GRIP1: variants seen among roughly 807,000 people sequenced by gnomAD.
GRIP1 encodes the protein glutamate receptor-interacting protein 1.
Under a neutral mutation model 129.9 loss-of-function variants are expected in GRIP1, and 45 were observed. The observed-to-expected ratio is 0.35, with a 90% CI of 0.27 to 0.44. The LOEUF (loss-of-function observed/expected upper bound fraction) is 0.44, where lower values mean the gene tolerates loss of function less well. GRIP1 is among the 20% of genes least tolerant of loss of function. The probability of loss-of-function intolerance (pLI) is 1.00; values close to 1 mark genes in which losing one functional copy is unlikely to be tolerated. For synonymous variants in GRIP1, 530 were observed against 520.8 expected (o/e 1.02, Z -0.24); for missense variants, 1,196 against 1,396.8 (o/e 0.86, Z 2.29).
chr12:66,667,109 T>G (rs2033839565), intron 1 of GRIP1, among the ~76,000 whole-genome samples: 1 of 152,174 alleles, frequency 6.6e-6, no homozygotes, highest in Non-Finnish European at 1.5e-5. Flanking sequence ...ACCAATCATT[T>G]CCATTATAAT....
At position 67,048,930 on chromosome 12, in the gene GRIP1, G is replaced by A. The variant is rs773430801; in HGVS notation, c.58+20120C>T. Among the ~76,000 whole-genome samples the A allele has an allele frequency of 7.1e-4, 108 of 152,116 alleles. 1 individual carries two copies. Among genetic ancestry groups the A allele is most frequent in the Non-Finnish European group, 1.2e-3 (84 of 67,974 alleles). ...AACCCTTTTTTCTTCTTAGTCTTAG[G>A]TATGTCTTTATCAGCAGCATGAAAT... is the stretch of plus-strand genomic sequence containing the variant. On this transcript the variant is annotated intron_variant, in intron 1 of 1. Transcript: ENST00000643019.
chr12:66,595,489 T>G (rs2064014054), intron 2 of GRIP1, among the ~76,000 whole-genome samples: 1 of 152,334 alleles, frequency 6.6e-6, no homozygotes, highest in Non-Finnish European at 1.5e-5. Flanking sequence ...AGTGGAATAC[T>G]CAGTACCAGT....
intron 7 of GRIP1, among the ~76,000 whole-genome samples, chr12:66,483,754 A>AT (rs1402674768): frequency 1.3e-5 from 2 of 152,224 alleles, no homozygotes; most frequent in Non-Finnish European, 2.9e-5. Flanking sequence ...TAAACTGAAT[A>AT]TATCTGTGTA....
intron 13 of GRIP1, among the ~76,000 whole-genome samples, chr12:66,441,127 T>A (rs1423122372): frequency 6.6e-6 from 1 of 152,230 alleles, no homozygotes; most frequent in Non-Finnish European, 1.5e-5. Flanking sequence ...GATCAATTCA[T>A]ACTATGGCAA....
chr12:66,400,994 C>T (rs1053950001), intron 16 of GRIP1, among the ~76,000 whole-genome samples: 3 of 152,120 alleles, frequency 2.0e-5, no homozygotes, highest in African/African-American at 7.2e-5. Flanking sequence ...GTAGCAGCCT[C>T]AGGAATCCCA....
At chr12:66,531,300 T>TAC (rs2061455917) in intron 4 of GRIP1, among the ~76,000 whole-genome samples, 9 of 69,572 alleles carry the variant, frequency 1.3e-4, no homozygotes, top group African/African-American at 5.7e-4. Flanking sequence ...TATATATATA[T>TAC]ATACACACAC....
intron 16 of GRIP1, among the ~76,000 whole-genome samples, chr12:66,399,462 C>T (rs988975049): frequency 4.0e-5 from 6 of 151,866 alleles, no homozygotes; most frequent in African/African-American, 1.5e-4. Flanking sequence ...GAAAGAAAAA[C>T]GTAGAATCAC....
At chr12:66,997,713 A>G (rs989399041) in intron 1 of GRIP1, among the ~76,000 whole-genome samples, 3 of 152,210 alleles carry the variant, frequency 2.0e-5, no homozygotes, top group Non-Finnish European at 2.9e-5. Context: ...CGGAAAAAGG[A>G]AAGAATCCTC....
chr12:67,032,792 G>T (rs1248620574), intron 1 of GRIP1, among the ~76,000 whole-genome samples: 3 of 152,106 alleles, frequency 2.0e-5, no homozygotes, highest in Admixed American at 2.0e-4. Flanking sequence ...AAAATATAAT[G>T]AAAGGTTCAA....
At chr12:66,824,654 G>C (rs1345054042) in intron 1 of GRIP1, among the ~76,000 whole-genome samples, 1 of 151,918 alleles carries the variant, frequency 6.6e-6, no homozygotes, top group Non-Finnish European at 1.5e-5. Context: ...GGAAGCACAG[G>C]GAAACTCATG....
Position 66,738,867 on chromosome 12 carries a change from T to C in GRIP1, c.-420+65186A>G, listed in dbSNP as rs563739885. Among the ~76,000 whole-genome samples the C allele has an allele frequency of 3.9e-5, 6 of 152,332 alleles. No individual in the cohort carries two copies. The East Asian group carries it at 9.7e-4, about 25-fold the overall frequency. On this transcript the variant is annotated intron_variant, in intron 1 of 4. Coordinates refer to the GRIP1 transcript ENST00000538373. ...GTATATCTGTTTCCAGAATGGAAGC[T>C]GACTTTTCTACGTTGCCTCTCCACT...
chr12:66,638,423 G>A (rs1307655738), intron 1 of GRIP1, among the ~76,000 whole-genome samples: 3 of 152,192 alleles, frequency 2.0e-5, no homozygotes, highest in Non-Finnish European at 4.4e-5. Flanking sequence ...GGGTTACAAT[G>A]TGAGCAGGTG....
chr12:66,678,875 A>G lies in GRIP1; in HGVS notation c.30T>C (p.Cys10=), dbSNP rs758192469. 2 of 1,613,518 alleles carry G rather than the reference A, an allele frequency of 1.2e-6. No homozygotes were observed. The highest frequency in any genetic ancestry group is 2.2e-5 in the East Asian group (1 of 44,820). The change falls in exon 1 of 25, where the codon TGT becomes TGC. Residue 10 remains cysteine (C), a synonymous_variant. Coordinates refer to ENST00000359742, the MANE Select transcript of GRIP1 (RefSeq NM_001366722.1). ...CTTTAGTAAGTCGCCTCAGAATTTG[A>G]CAACGGCATTTAAAAGAGACAGCTA... MIAVSFKCR[C]QILRRLTKDE...
chr12:67,005,735 T>A (rs2042616613), intron 1 of GRIP1, among the ~76,000 whole-genome samples: 1 of 152,044 alleles, frequency 6.6e-6, no homozygotes. Context: ...TCCTGGGAGG[T>A]AGGTATCATT....
chr12:66,910,338 T>C (rs890912353), intron 1 of GRIP1, among the ~76,000 whole-genome samples: 2 of 152,192 alleles, frequency 1.3e-5, no homozygotes, highest in Admixed American at 6.5e-5. Flanking sequence ...TTCCCTTTAC[T>C]TTCTTCTCCT....
intron 2 of GRIP1, among the ~76,000 whole-genome samples, chr12:66,554,450 G>A (rs965824668): frequency 6.6e-5 from 10 of 152,146 alleles, no homozygotes; most frequent in African/African-American, 2.4e-4. Flanking sequence ...CTGGCTTCAA[G>A]TGTGACCTAG....
intron 1 of GRIP1, among the ~76,000 whole-genome samples, chr12:66,666,418 C>T (rs1163640560): frequency 1.3e-5 from 2 of 152,004 alleles, no homozygotes; most frequent in Non-Finnish European, 2.9e-5. Context: ...AGCTTTTGTC[C>T]CCCTTAGGAT....
intron 7 of GRIP1, among the ~76,000 whole-genome samples, chr12:66,472,067 T>C (rs2059454138): frequency 6.6e-6 from 1 of 152,244 alleles, no homozygotes; most frequent in Non-Finnish European, 1.5e-5. Flanking sequence ...ACCAGATCCA[T>C]ATGCTTTGGG....
rs1476940374 is a variant in GRIP1 at position 67,031,192 on chromosome 12, CA to C, written c.58+37857del. ...ATTTCTTATAATCTGCACTGCATCC[CA>C]GTTACTAGAAGCTACCAAAAACCTT... is the stretch of plus-strand genomic sequence containing the variant. On this transcript the variant is annotated intron_variant, in intron 1 of 1. Transcript: ENST00000643019. Among the ~76,000 whole-genome samples the C allele has an allele frequency of 4.6e-5, 7 of 152,272 alleles. No homozygotes were observed. The East Asian group carries it at 1.4e-3, about 29-fold the overall frequency.
Sources: gnomAD v4.1 joint callset for allele counts (sites outside exome capture counted in the v4.1 genomes callset) on GRCh38, gnomAD v4.1.1 for gene constraint, MANE v1.5 for transcripts, NCBI Gene and HGNC (gene_info 2026-07-23, HGNC 2026-07-21) for gene names.